The following LRRK1 variants were observed in gnomAD, a reference collection of about 807,000 sequenced individuals.
LRRK1 encodes the protein leucine-rich repeat serine/threonine-protein kinase 1.
A neutral mutation model predicts 209.1 loss-of-function variants in LRRK1; 113 were observed. That is an observed-to-expected ratio of 0.54 (90% confidence interval 0.46 to 0.63). The LOEUF (loss-of-function observed/expected upper bound fraction) is 0.63. LRRK1 is among the 30% of genes least tolerant of loss of function. The probability of loss-of-function intolerance (pLI) is 0.00; values close to 1 mark genes in which losing one functional copy is unlikely to be tolerated. For synonymous variants in LRRK1, 1,144 were observed against 1,099.7 expected, an observed-to-expected ratio of 1.04 and a Z score of -0.80; for missense variants, 2,284 against 2,632.2, an observed-to-expected ratio of 0.87 and a Z score of 2.89.
intron 20 of LRRK1, among the ~76,000 whole-genome samples, chr15:101,031,879 C>T (rs1246522865): frequency 5.3e-5 from 8 of 152,176 alleles, no homozygotes; most frequent in East Asian, 1.9e-4. Context: ...GGACTACAGG[C>T]GCCCACCACC....
At position 100,983,562 on chromosome 15, in the gene LRRK1, A is replaced by T; in HGVS notation, c.296A>T (p.Asp99Val). 1.2e-6 allele frequency: 2 copies of T among 1,609,210 alleles called. No homozygotes were observed. Among genetic ancestry groups the T allele is most frequent in the Non-Finnish European group, 1.7e-6 (2 of 1,176,878 alleles). ...CTGAGCATCCCGGCAGCCTATGGGG[A>T]TCTGGAGATGGTCCGCTACCTACTC... ...QLLSIPAAYG[D>V]LEMVRYLLSK... Residue 99 changes from aspartate to valine, a missense_variant, in exon 4 of 34, where the codon GAT (aspartate) becomes GTT (valine). Physicochemically the swap from Asp to Val is radical, Grantham distance 152. Transcript: ENST00000388948.
chr15:100,986,170 C>T (rs1250626764), intron 4 of LRRK1, among the ~76,000 whole-genome samples: 3 of 152,194 alleles, frequency 2.0e-5, no homozygotes, highest in African/African-American at 4.8e-5. Context: ...CACATTACTG[C>T]ACTCCAGGCT....
chr15:101,021,486 G>A (rs143342588), intron 13 of LRRK1, among the ~76,000 whole-genome samples: 8 of 152,214 alleles, frequency 5.3e-5, no homozygotes, highest in African/African-American at 1.7e-4. Flanking sequence ...GGGGTTCTAG[G>A]CAGTGTGCAA....
In LRRK1 at chr15:101,065,846, C is replaced by A. The variant is rs777823537; in HGVS notation, c.5409C>A (p.Ala1803=). The A allele has an allele frequency of 1.2e-6, 2 of 1,614,136 alleles. No individual in the cohort carries two copies. Among genetic ancestry groups the A allele is most frequent in the Non-Finnish European group, 1.7e-6 (2 of 1,180,024 alleles). Residue 1803 remains alanine, a synonymous_variant, in exon 32 of 34, where the codon GCC becomes GCA. Transcript: ENST00000388948. The part of the protein sequence containing the change: ...DTEPPAASHT[A]NPKVPEGDSI... The stretch of plus-strand genomic sequence containing the variant: ...AACCCCCGGCAGCCAGCCACACGGC[C>A]AACCCAAAGGTGCCTGAGGGGGACT...
At chr15:101,032,042 A>T (rs1374421764) in intron 20 of LRRK1, among the ~76,000 whole-genome samples, 1 of 152,040 alleles carries the variant, frequency 6.6e-6, no homozygotes, top group Non-Finnish European at 1.5e-5. Flanking sequence ...CTCCTCCCCA[A>T]TATTTGTTGT....
In LRRK1 at chr15:101,024,892, G is replaced by C. The variant is rs754929653; in HGVS notation, c.2157G>C (p.Leu719=). 6.2e-7 allele frequency: 1 copy of C among 1,614,200 alleles called. No individual in the cohort carries two copies. The highest frequency in any genetic ancestry group is 1.7e-5 in the Admixed American group (1 of 60,034). Residue 719 remains leucine, a synonymous_variant, in exon 16 of 34, where the codon CTG becomes CTC. Transcript: ENST00000388948. The surrounding 1 kb of genome is among the most constrained non-coding windows in gnomAD (Gnocchi z 4.6). ...VNQCFFTDKA[L]YVVVWNLALG... ...AGTGCTTCTTCACGGACAAGGCCCT[G>C]TACGTGGTGGTCTGGAACCTGGCGC...
At chr15:101,032,287 CTTTTT>C (rs201198621) in intron 20 of LRRK1, among the ~76,000 whole-genome samples, 5 of 148,826 alleles carry the variant, frequency 3.4e-5, no homozygotes, top group African/African-American at 1.2e-4. Context: ...GATACAAGTT[CTTTTT>C]TTTTTATTCT....
At position 101,077,546 on chromosome 15, in the gene LRRK1, T is replaced by C. The variant is rs1274317153; in HGVS notation, c.*8698T>C. The C allele has an allele frequency of 6.6e-6, 1 of 152,226 alleles. No homozygotes were observed. Among genetic ancestry groups the C allele is most frequent in the Admixed American group, 6.5e-5 (1 of 15,280 alleles). The allele number at this position is 152,226 out of a possible 1,614,324, so 9.4% of individuals were successfully genotyped here. ...TTTTATACCTGTTTTTCTCCTTTACTTATTCCGTTTAGTTTTTCAATTCAT... is the reference window on the plus strand; with the variant it reads ...TTTTATACCTGTTTTTCTCCTTTACCTATTCCGTTTAGTTTTTCAATTCAT... On this transcript the variant is annotated 3_prime_UTR_variant, in exon 34 of 34. Coordinates refer to ENST00000388948, the MANE Select transcript of LRRK1 (RefSeq NM_024652.6).
intron 21 of LRRK1, among the ~76,000 whole-genome samples, chr15:101,047,233 C>T (rs1033035329): frequency 2.0e-5 from 3 of 152,114 alleles, no homozygotes; most frequent in Non-Finnish European, 4.4e-5. Context: ...CCATTTTTAC[C>T]GAAATGGTAA....
At chr15:100,929,272 C>T (rs554409865) in intron 2 of LRRK1, among the ~76,000 whole-genome samples, 1 of 142,286 alleles carries the variant, frequency 7.0e-6, no homozygotes, top group African/African-American at 2.4e-5. Flanking sequence ...GGCAGTGGCT[C>T]GCCCCCCCAG....
chr15:101,013,738 G>T (rs1487647394), intron 10 of LRRK1, among the ~76,000 whole-genome samples: 1 of 152,200 alleles, frequency 6.6e-6, no homozygotes, highest in African/African-American at 2.4e-5. Context: ...AGGGCTGAGG[G>T]AGGGCTACCC....
rs56053663 is a variant in LRRK1, at chr15:101,006,372, TAAAAAAAA to T, written c.763-2452_763-2445del. Among the ~76,000 whole-genome samples, 38 of 114,440 alleles carry T rather than the reference TAAAAAAAA, an allele frequency of 3.3e-4. No individual in the cohort carries two copies. In the Middle Eastern group the frequency reaches 0.014, roughly 41 times the overall value. 75.1% of individuals were successfully genotyped at this position (114,440 alleles called of 152,430 possible). A position where few individuals can be genotyped will look rare whatever the true frequency, so the allele number is the denominator to read the frequency against. Reference sequence around the variant, plus strand: ...AGGACTTAATGCAACGACAATGTGATAAAAAAAAAAAAAAAAAAAAGAAAAGGCATTAA... The same window carrying T: ...AGGACTTAATGCAACGACAATGTGATAAAAAAAAAAAAGAAAAGGCATTAA... On this transcript the variant is annotated intron_variant, in intron 6 of 33. Coordinates refer to ENST00000388948, the MANE Select transcript of LRRK1 (RefSeq NM_024652.6).
intron 13 of LRRK1, 155 bp from the exon 14 acceptor site, chr15:101,021,690 G>A: frequency 1.7e-6 from 1 of 591,708 alleles, no homozygotes; most frequent in Non-Finnish European, 3.0e-6. Flanking sequence ...CCAGGAGAAA[G>A]CCTTTGGAAT....
Position 101,024,267 on chromosome 15 carries a change from C to G in LRRK1, c.2068-536C>G, listed in dbSNP as rs1293625962. On this transcript the variant is annotated intron_variant, in intron 15 of 33. Transcript: ENST00000388948. The surrounding 1 kb of genome is among the most constrained non-coding windows in gnomAD (Gnocchi z 4.6). ...TGCAGCCTTAGCATCCAGGGCCAGA[C>G]TCTTACCTCATGCAATGATAGAGAA... is the stretch of plus-strand genomic sequence containing the variant. Among the ~76,000 whole-genome samples, 1 of 152,212 alleles carries G rather than the reference C, an allele frequency of 6.6e-6. No individual in the cohort carries two copies. Among genetic ancestry groups the G allele is most frequent in the Non-Finnish European group, 1.5e-5 (1 of 68,040 alleles).
At chr15:100,920,360 G>C (rs2041999899) in intron 1 of LRRK1, 1 of 152,224 alleles carries the variant, frequency 6.6e-6, no homozygotes, top group Non-Finnish European at 1.5e-5. Context: ...AGACATTAAA[G>C]GGATAGCTAG....
rs1187312813 is a variant in LRRK1, at chr15:101,022,573, G to A, written c.2043G>A (p.Gln681=). The change falls in exon 15 of 34, where the codon CAG becomes CAA. Residue 681 remains glutamine (Q), a synonymous_variant. Coordinates refer to ENST00000388948, the MANE Select transcript of LRRK1 (RefSeq NM_024652.6). The surrounding 1 kb of genome is among the most constrained non-coding windows in gnomAD (Gnocchi z 4.0). ...TCAGGACCACCAAGTGGGAGCTCCA[G>A]AGGCCGGCTGGCTCGAGAGCCAAGG... ...ATIRTTKWEL[Q]RPAGSRAKVE... is the part of the protein sequence containing the mutation. 3.1e-6 allele frequency: 5 copies of A among 1,612,704 alleles called. No individual in the cohort carries two copies. In the South Asian group the frequency reaches 3.3e-5, roughly 11 times the overall value.
At chr15:101,015,278 G>A (rs897692698) in intron 11 of LRRK1, 48 bp from the exon 12 acceptor site, 3 of 1,433,996 alleles carry the variant, frequency 2.1e-6, no homozygotes, top group Non-Finnish European at 2.9e-6. Flanking sequence ...CAAAAGTAAT[G>A]CTTTTGTCGT....
intron 2 of LRRK1, among the ~76,000 whole-genome samples, chr15:100,964,466 G>T (rs1460934257): frequency 2.0e-5 from 3 of 152,240 alleles, no homozygotes; most frequent in Admixed American, 6.5e-5. Context: ...CTCCCGGGAA[G>T]GCCAGCCCCG....
intron 2 of LRRK1, among the ~76,000 whole-genome samples, chr15:100,960,031 A>C (rs1179249539): frequency 1.3e-5 from 2 of 152,182 alleles, no homozygotes; most frequent in South Asian, 2.1e-4. Flanking sequence ...CCTGAAAAGC[A>C]TTTTTTTTAA....
Sources: allele counts gnomAD v4.1 joint callset (sites outside exome capture counted in the v4.1 genomes callset), GRCh38; gene constraint gnomAD v4.1.1; non-coding constraint Gnocchi (gnomAD v3.1); transcripts MANE v1.5; gene names NCBI Gene and HGNC (gene_info 2026-07-23, HGNC 2026-07-21).